The following TAF1A variants were observed in gnomAD, a reference collection of about 807,000 sequenced individuals.
TAF1A encodes TATA-box binding protein associated factor, RNA polymerase I subunit A, also known as TATA box-binding protein-associated factor RNA polymerase I subunit A.
Under a neutral mutation model 61.6 loss-of-function variants are expected in TAF1A, and 42 were observed. The ratio of observed to expected loss-of-function variants is 0.68; its 90% confidence interval spans 0.53 to 0.88. The LOEUF (loss-of-function observed/expected upper bound fraction) is 0.88. Ranked by LOEUF, TAF1A falls within the 40% of genes least tolerant of loss-of-function variation. TAF1A has a pLI of 0.00. For synonymous variants in TAF1A, 179 were observed against 177.7 expected, an observed-to-expected ratio of 1.01 and a Z score of -0.06; for missense variants, 424 against 518.7, an observed-to-expected ratio of 0.82 and a Z score of 1.77.
At chr1:222,574,039 A>G (rs1305462819) in intron 5 of TAF1A, among the ~76,000 whole-genome samples, 1 of 152,126 alleles carries the variant, frequency 6.6e-6, no homozygotes, top group Non-Finnish European at 1.5e-5. Context: ...GTATGATTCC[A>G]TTTGTATGAA....
chr1:222,569,127 G>T (rs535053706), intron 7 of TAF1A: 2 of 517,422 alleles, frequency 3.9e-6, no homozygotes, highest in Non-Finnish European at 5.3e-6. Context: ...TTCTGGGGGC[G>T]ACAGAAATGT....
chr1:222,583,477 A>C (rs114836940), intron 3 of TAF1A, among the ~76,000 whole-genome samples: 1 of 152,170 alleles, frequency 6.6e-6, no homozygotes, highest in African/African-American at 2.4e-5. Flanking sequence ...TCTTTCAAGA[A>C]GTTTTGCTGA....
At chr1:222,581,398 T>A (rs536625718) in intron 3 of TAF1A, among the ~76,000 whole-genome samples, 2 of 152,270 alleles carry the variant, frequency 1.3e-5, no homozygotes, top group Admixed American at 6.5e-5. Flanking sequence ...GATAACTAAT[T>A]GATGCAATGG....
At chr1:222,564,316 T>TTAA (rs1660033187) in intron 7 of TAF1A, among the ~76,000 whole-genome samples, 191 bp from the exon 8 acceptor site, 1 of 110,622 alleles carries the variant, frequency 9.0e-6, no homozygotes, top group African/African-American at 3.5e-5. Flanking sequence ...AAAGCTGTCT[T>TTAA]AAAAAAAAAA....
chr1:222,558,612 A>C lies in TAF1A; in HGVS notation c.*48T>G, dbSNP rs545186240. On this transcript the variant is annotated 3_prime_UTR_variant, in exon 11 of 11. Coordinates refer to ENST00000352967, the MANE Select transcript of TAF1A (RefSeq NM_005681.4). ...TAAATACATTCAATAACTATCTACC[A>C]AGCTACTTACTGTGTAGCTACAACT... 1 of 963,762 alleles carries C rather than the reference A, an allele frequency of 1.0e-6. No homozygotes were observed. The highest frequency in any genetic ancestry group is 2.5e-5 in the South Asian group (1 of 40,580). 59.7% of individuals were successfully genotyped at this position (963,762 alleles called of 1,614,324 possible). A position where few individuals can be genotyped will look rare whatever the true frequency, so the allele number is the denominator to read the frequency against.
intron 10 of TAF1A, among the ~76,000 whole-genome samples, chr1:222,559,909 C>G (rs1659845976): frequency 6.6e-6 from 1 of 152,080 alleles, no homozygotes; most frequent in Non-Finnish European, 1.5e-5. Flanking sequence ...TAGTAAAAAA[C>G]AAAATACTTT....
intron 4 of TAF1A, among the ~76,000 whole-genome samples, chr1:222,579,013 C>G (rs1469982449): frequency 1.3e-5 from 2 of 152,136 alleles, no homozygotes; most frequent in Admixed American, 1.3e-4. Flanking sequence ...AAATGGCTAT[C>G]CAGTTTAGAC....
chr1:222,585,933 A>C (rs1427049627), intron 2 of TAF1A, among the ~76,000 whole-genome samples: 1 of 152,236 alleles, frequency 6.6e-6, no homozygotes, highest in Admixed American at 6.5e-5. Context: ...TGGAAATTTT[A>C]TCTCTTGCAA....
intron 5 of TAF1A, among the ~76,000 whole-genome samples, chr1:222,572,821 T>C (rs1236741093): frequency 2.0e-5 from 3 of 152,198 alleles, no homozygotes; most frequent in Admixed American, 1.3e-4. Context: ...GCTAAAACTT[T>C]AAAACTCTCA....
chr1:222,569,783 G>A, intron 6 of TAF1A, 115 bp from the exon 7 acceptor site: 1 of 961,930 alleles, frequency 1.0e-6, no homozygotes, highest in Non-Finnish European at 1.5e-6. Context: ...AAACTGACAG[G>A]GTTCCCATTT....
At position 222,579,774 on chromosome 1, in the gene TAF1A, G is replaced by A. The variant is rs779565490; in HGVS notation, c.390C>T (p.Val130=). The A allele has an allele frequency of 5.6e-6, 9 of 1,609,580 alleles. No homozygotes were observed. Among genetic ancestry groups the A allele is most frequent in the Non-Finnish European group, 6.8e-6 (8 of 1,178,840 alleles). The change falls in exon 4 of 11, where the codon GTC becomes GTT. Residue 130 remains valine (V), a synonymous_variant. Transcript: ENST00000352967. ...ATATTCTCACCTTTAAATAATTCAT[G>A]ACGCCAATATTTTTCATCCGGTTAG... ...TFANRMKNIG[V]MNYLKISLQH...
At position 222,563,160 on chromosome 1, in the gene TAF1A, G is replaced by GTA; in HGVS notation, c.1085+11_1085+12dup. ...TTATGATGACCTAGTAATAAACACT[G>GTA]TATGTTTCTTACCCCATTAAGATAT... On this transcript the variant is annotated intron_variant, in intron 9 of 10. Transcript: ENST00000352967. 6.3e-7 allele frequency: 1 copy of GTA among 1,594,014 alleles called. No homozygotes were observed. The highest frequency in any genetic ancestry group is 1.1e-5 in the South Asian group (1 of 89,968).
At chr1:222,583,194 C>CA in intron 3 of TAF1A, among the ~76,000 whole-genome samples, 1 of 151,316 alleles carries the variant, frequency 6.6e-6, no homozygotes, top group South Asian at 2.1e-4. Context: ...CAAAAGAAAA[C>CA]AAAAAAAGAA....
intron 5 of TAF1A, 85 bp downstream of exon 5, chr1:222,577,360 C>T: frequency 7.4e-6 from 8 of 1,079,296 alleles, no homozygotes; most frequent in Non-Finnish European, 1.1e-5. Context: ...TGGATGAAGT[C>T]AATAGGGAAA....
intron 7 of TAF1A, among the ~76,000 whole-genome samples, chr1:222,565,907 C>T (rs1294149325): frequency 6.6e-6 from 1 of 152,138 alleles, no homozygotes; most frequent in Non-Finnish European, 1.5e-5. Flanking sequence ...AAAACAAAGC[C>T]TGTTGAAAAA....
At chr1:222,563,420 A>G in intron 8 of TAF1A, 124 bp from the exon 9 acceptor site, 1 of 1,062,342 alleles carries the variant, frequency 9.4e-7, no homozygotes, top group Non-Finnish European at 1.3e-6. Flanking sequence ...AAAATACTGA[A>G]TCATAAGCCT....
intron 3 of TAF1A, among the ~76,000 whole-genome samples, chr1:222,582,376 C>G (rs1439117438): frequency 1.3e-5 from 2 of 152,192 alleles, no homozygotes; most frequent in Non-Finnish European, 2.9e-5. Context: ...TAGAGAAATG[C>G]AAATCATAAC....
intron 2 of TAF1A, among the ~76,000 whole-genome samples, chr1:222,585,915 C>G (rs528155473): frequency 2.6e-5 from 4 of 152,048 alleles, no homozygotes; most frequent in African/African-American, 9.7e-5. Context: ...TTAAAAATAC[C>G]AACATGCTGG....
chr1:222,579,991 T>A, intron 3 of TAF1A, 119 bp from the exon 4 acceptor site: 1 of 1,176,282 alleles, frequency 8.5e-7, no homozygotes, highest in Non-Finnish European at 1.2e-6. Context: ...CAGAGACCAC[T>A]ACCGTCAACA....
Sources: allele counts gnomAD v4.1 joint callset (sites outside exome capture counted in the v4.1 genomes callset), GRCh38; gene constraint gnomAD v4.1.1; transcripts MANE v1.5; gene names NCBI Gene and HGNC (gene_info 2026-07-23, HGNC 2026-07-21).